The following ZNF484 variants were observed in gnomAD, a reference collection of about 807,000 sequenced individuals.
The protein encoded by ZNF484 is KRAB box containing C2H2 type zinc finger bA526D8.4.
In ZNF484, 11 loss-of-function variants were observed where a neutral mutation model predicts 12.9. The ratio of observed to expected loss-of-function variants is 0.85; its 90% confidence interval spans 0.54 to 1.41. The LOEUF (loss-of-function observed/expected upper bound fraction) is 1.41, where lower values mean the gene tolerates loss of function less well. Ranked by LOEUF, ZNF484 falls within the 40% of genes most tolerant of loss-of-function variation. ZNF484 has a pLI of 0.00. For synonymous variants in ZNF484, 289 were observed against 334.1 expected, an observed-to-expected ratio of 0.86 and a Z score of 1.47; for missense variants, 807 against 1,007.7, an observed-to-expected ratio of 0.80 and a Z score of 2.70.
At chr9:92,877,813 C>A in intron 1 of ZNF484, 77 bp downstream of exon 1, 1 of 1,535,862 alleles carries the variant, frequency 6.5e-7, no homozygotes, top group South Asian at 1.2e-5. Flanking sequence ...CCGACCCCAT[C>A]ACTGACCGGA....
chr9:92,854,916 T>C (rs1486727418), intron 4 of ZNF484, among the ~76,000 whole-genome samples: 1 of 152,084 alleles, frequency 6.6e-6, no homozygotes, highest in Non-Finnish European at 1.5e-5. Flanking sequence ...GTAGGATATA[T>C]AATACAGTAC....
At chr9:92,854,935 C>T (rs1433091233) in intron 4 of ZNF484, among the ~76,000 whole-genome samples, 1 of 151,924 alleles carries the variant, frequency 6.6e-6, no homozygotes, top group Non-Finnish European at 1.5e-5. Context: ...ACCATTTCTA[C>T]AAATTAACAA....
At chr9:92,850,479 C>G (rs925729150) in intron 4 of ZNF484, among the ~76,000 whole-genome samples, 1 of 152,226 alleles carries the variant, frequency 6.6e-6, no homozygotes, top group South Asian at 2.1e-4. Context: ...CTTAGTCATC[C>G]TAACTTGGCC....
At chr9:92,874,310 C>CTTTTT (rs34348573) in intron 2 of ZNF484, among the ~76,000 whole-genome samples, 1 of 137,540 alleles carries the variant, frequency 7.3e-6, no homozygotes, top group East Asian at 2.0e-4. Flanking sequence ...TTCTTTCTTT[C>CTTTTT]TTTTTTTTTT....
chr9:92,855,165 C>A (rs1587738961), intron 4 of ZNF484, among the ~76,000 whole-genome samples: 1 of 152,012 alleles, frequency 6.6e-6, no homozygotes, highest in East Asian at 1.9e-4. Context: ...ACAGGATATA[C>A]CTGTACACTA....
Position 92,845,531 on chromosome 9 carries a change from T to G in ZNF484, c.*697A>C, listed in dbSNP as rs1174976511. The G allele has an allele frequency of 6.6e-6, 1 of 152,224 alleles. No individual in the cohort carries two copies. The highest frequency in any genetic ancestry group is 2.4e-5 in the African/African-American group (1 of 41,470). 9.4% of individuals were successfully genotyped at this position (152,224 alleles called of 1,614,324 possible). A position where few individuals can be genotyped will look rare whatever the true frequency, so the allele number is the denominator to read the frequency against. ...ATTTTAGGATTTGATATCCATTTTC[T>G]TAATTTGTCCTATTTTTCAAACAGG... On this transcript the variant is annotated 3_prime_UTR_variant, in exon 5 of 5. Coordinates refer to ENST00000375495, the MANE Select transcript of ZNF484 (RefSeq NM_031486.4). This position sits in a 1 kb window ranked among gnomAD's most constrained non-coding sequence, Gnocchi z 4.0.
chr9:92,846,429 G>A lies in ZNF484; in HGVS notation c.2358C>T (p.Thr786=). The change falls in exon 5 of 5, where the codon ACC becomes ACT. Residue 786 remains threonine, a synonymous_variant. Coordinates refer to ENST00000375495, the MANE Select transcript of ZNF484 (RefSeq NM_031486.4). ...GGTGTTTAATAAGATTTGATCTGATGGTGAAGGCCTTTCCACACTCAGCAC... is the reference window on the plus strand; with the variant it reads ...GGTGTTTAATAAGATTTGATCTGATAGTGAAGGCCTTTCCACACTCAGCAC... ...YICAECGKAF[T]IRSNLIKHQK... 6.2e-7 allele frequency: 1 copy of A among 1,614,114 alleles called. No individual in the cohort carries two copies.
At position 92,848,248 on chromosome 9, in the gene ZNF484, G is replaced by A. The variant is rs138246830; in HGVS notation, c.539C>T (p.Ser180Leu). The A allele has an allele frequency of 1.0e-4, 165 of 1,614,000 alleles. No individual in the cohort carries two copies. Among genetic ancestry groups the A allele is most frequent in the Non-Finnish European group, 1.3e-4 (151 of 1,180,018 alleles). ...SSRKRPHNCN[S>L]CGKNLEPIIT... ...GATAGGCTCCAAATTCTTTCCACACGAGTTACAGTTATGGGGTCTTTTTCT... is the reference window on the plus strand; with the variant it reads ...GATAGGCTCCAAATTCTTTCCACACAAGTTACAGTTATGGGGTCTTTTTCT... Residue 180 changes from serine (S) to leucine (L), a missense_variant, in exon 5 of 5, where the codon TCG becomes TTG. By Grantham distance (145) the Ser-to-Leu change is moderately radical. Transcript: ENST00000375495. The surrounding 1 kb of genome is among the most constrained non-coding windows in gnomAD (Gnocchi z 4.1).
chr9:92,860,528 C>A (rs576906524), intron 2 of ZNF484, among the ~76,000 whole-genome samples: 1 of 144,134 alleles, frequency 6.9e-6, no homozygotes, highest in South Asian at 2.3e-4. Context: ...GGCGTGAACC[C>A]GGGAGGCGGA....
intron 4 of ZNF484, among the ~76,000 whole-genome samples, chr9:92,851,338 C>T (rs573860828): frequency 3.4e-4 from 51 of 152,206 alleles, no homozygotes; most frequent in Admixed American, 4.6e-4. Context: ...TTTAAATGGT[C>T]AAAAAATTAA....
At chr9:92,871,248 C>A (rs1353158173) in intron 2 of ZNF484, among the ~76,000 whole-genome samples, 3 of 151,866 alleles carry the variant, frequency 2.0e-5, no homozygotes, top group East Asian at 1.9e-4. Flanking sequence ...GATGAAAAAA[C>A]CAAATGAAAA....
At position 92,846,435 on chromosome 9, in the gene ZNF484, G is replaced by A; in HGVS notation, c.2352C>T (p.Ala784=). The A allele has an allele frequency of 1.2e-6, 2 of 1,614,060 alleles. No individual in the cohort carries two copies. Among genetic ancestry groups the A allele is most frequent in the African/African-American group, 1.3e-5 (1 of 75,026 alleles). Reference sequence around the variant, plus strand: ...TAATAAGATTTGATCTGATGGTGAAGGCCTTTCCACACTCAGCACATATAT... The same window carrying A: ...TAATAAGATTTGATCTGATGGTGAAAGCCTTTCCACACTCAGCACATATAT... ...KPYICAECGK[A]FTIRSNLIKH... The change falls in exon 5 of 5, where the codon GCC becomes GCT. Residue 784 remains alanine, a synonymous_variant. Coordinates refer to ENST00000375495, the MANE Select transcript of ZNF484 (RefSeq NM_031486.4).
At chr9:92,867,924 G>A (rs1259506477) in intron 2 of ZNF484, among the ~76,000 whole-genome samples, 1 of 152,208 alleles carries the variant, frequency 6.6e-6, no homozygotes, top group East Asian at 1.9e-4. Context: ...TCATAAGTGA[G>A]GGTAGTCTTA....
At chr9:92,874,943 T>C (rs1857704264) in intron 2 of ZNF484, 72 bp downstream of exon 2, 2 of 1,432,728 alleles carry the variant, frequency 1.4e-6, no homozygotes, top group African/African-American at 2.8e-5. Flanking sequence ...ATAGGGATTG[T>C]TAGATGTCTC....
At position 92,847,458 on chromosome 9, in the gene ZNF484, A is replaced by T; in HGVS notation, c.1329T>A (p.Ser443Arg). 1 of 1,612,876 alleles carries T rather than the reference A, an allele frequency of 6.2e-7. No individual in the cohort carries two copies. The highest frequency in any genetic ancestry group is 8.5e-7 in the Non-Finnish European group (1 of 1,179,660). ...TTTTAATAAAGGATTTCCCACAGTC[A>T]CTGCATTCATAGGGTTTTTCTCCAG... ...IHTGEKPYEC[S>R]DCGKSFIKKS... The change falls in exon 5 of 5, where the codon AGT becomes AGA. Residue 443 changes from serine (S) to arginine (R), a missense_variant. Coordinates refer to ENST00000375495, the MANE Select transcript of ZNF484 (RefSeq NM_031486.4).
rs577171576 is a variant in ZNF484 at position 92,852,209 on chromosome 9, T to G, written c.235+3602A>C. ...TAGGTTTCTCTGAATTTCTGGAGGT[T>G]GTATGCTGCAATAGGTCAAATTCAA... On this transcript the variant is annotated intron_variant, in intron 4 of 4. Transcript: ENST00000375495. Among the ~76,000 whole-genome samples the G allele has an allele frequency of 1.4e-4, 21 of 152,366 alleles. No individual in the cohort carries two copies. The South Asian group carries it at 4.3e-3, about 32-fold the overall frequency.
At chr9:92,871,399 A>G (rs910780713) in intron 2 of ZNF484, among the ~76,000 whole-genome samples, 2 of 152,144 alleles carry the variant, frequency 1.3e-5, no homozygotes, top group Non-Finnish European at 2.9e-5. Context: ...ACAGACTGAG[A>G]AAAAAAGGAA....
intron 4 of ZNF484, among the ~76,000 whole-genome samples, chr9:92,855,178 T>TA (rs1216273272): frequency 2.6e-5 from 4 of 152,144 alleles, no homozygotes; most frequent in Admixed American, 6.5e-5. Context: ...GTACACTAGA[T>TA]AAAAAACTTT....
intron 2 of ZNF484, among the ~76,000 whole-genome samples, chr9:92,864,223 A>C (rs781628924): frequency 1.4e-4 from 22 of 152,138 alleles, no homozygotes; most frequent in Non-Finnish European, 2.8e-4. Context: ...AGCCCACCTT[A>C]AATGTAACCA....
Sources: gnomAD v4.1 joint callset for allele counts (sites outside exome capture counted in the v4.1 genomes callset) on GRCh38, gnomAD v4.1.1 for gene constraint, Gnocchi (gnomAD v3.1) non-coding constraint, MANE v1.5 for transcripts, NCBI Gene and HGNC (gene_info 2026-07-23, HGNC 2026-07-21) for gene names.